The following GATAD2A variants were observed in gnomAD, a reference collection of about 807,000 sequenced individuals.
GATAD2A encodes transcriptional repressor p66-alpha.
A neutral mutation model predicts 68.5 loss-of-function variants in GATAD2A; 12 were observed. The observed-to-expected ratio is 0.18, with a 90% confidence interval of 0.11 to 0.28. The LOEUF is 0.28. GATAD2A is among the 10% of genes least tolerant of loss of function. The pLI is 1.00. For missense variants in GATAD2A, 755 were observed against 868.5 expected, an observed-to-expected ratio of 0.87 and a Z score of 1.64; for synonymous variants, 410 against 375.3, an observed-to-expected ratio of 1.09 and a Z score of -1.07.
chr19:19,440,420 G>A (rs1280099631), intron 1 of GATAD2A: 2 of 209,848 alleles, frequency 9.5e-6, no homozygotes, highest in Non-Finnish European at 9.7e-6. Context: ...ACAGGCGCCC[G>A]CCACCACGCC....
intron 1 of GATAD2A, among the ~76,000 whole-genome samples, chr19:19,452,585 G>T (rs144680510): frequency 8.0e-4 from 121 of 151,894 alleles, no homozygotes; most frequent in African/African-American, 2.7e-3. Flanking sequence ...CCCCAGGCCT[G>T]GGGGGGTGAA....
intron 1 of GATAD2A, among the ~76,000 whole-genome samples, chr19:19,407,671 A>T (rs887118623): frequency 6.6e-6 from 1 of 152,200 alleles, no homozygotes; most frequent in East Asian, 1.9e-4. Context: ...ATCTGGTGAC[A>T]TGGGGACACC....
chr19:19,495,857 T>A lies in GATAD2A; in HGVS notation c.728T>A (p.Val243Asp). Residue 243 changes from valine (V) to aspartate (D), a missense_variant, in exon 6 of 12, where the codon GTC becomes GAC. By Grantham distance (152) the Val-to-Asp change is radical. Transcript: ENST00000683918. The part of the protein sequence containing the change: ...KLGPQASSQV[V>D]MPPLVRGAQQ... ...GGGCCACAGGCGAGCTCACAGGTCG[T>A]CATGCCCCCACTCGTCAGGGGGGCT... 1 of 1,613,134 alleles carries A rather than the reference T, an allele frequency of 6.2e-7. No individual in the cohort carries two copies. The highest frequency in any genetic ancestry group is 8.5e-7 in the Non-Finnish European group (1 of 1,179,598).
chr19:19,451,398 G>T (rs16996102), intron 1 of GATAD2A, among the ~76,000 whole-genome samples: 5,337 of 152,160 alleles, frequency 0.035, 323 homozygotes, highest in African/African-American at 0.12. Flanking sequence ...GGTGTCCCAG[G>T]CACTGATCAG....
intron 2 of GATAD2A, among the ~76,000 whole-genome samples, 171 bp downstream of exon 2, chr19:19,465,785 C>T (rs574007024): frequency 6.6e-6 from 1 of 152,350 alleles, no homozygotes; most frequent in East Asian, 1.9e-4. Context: ...CTGTTGTGGC[C>T]ATTCCAGGGC....
rs2060904171 is a variant in GATAD2A, at chr19:19,507,252, A to C, written c.*1778A>C. The stretch of plus-strand genomic sequence containing the variant: ...GAGGGGAGGGTGTGTTTTTTACACC[A>C]AAAAAAAAAAAAAAAATCAAGAGTA... On this transcript the variant is annotated 3_prime_UTR_variant, in exon 12 of 12. Transcript: ENST00000683918. 2.2e-5 allele frequency: 1 copy of C among 46,160 alleles called. No homozygotes were observed. The highest frequency in any genetic ancestry group is 2.6e-4 in the Admixed American group (1 of 3,886). 2.9% of individuals were successfully genotyped at this position (46,160 alleles called of 1,614,324 possible). A position where few individuals can be genotyped will look rare whatever the true frequency, so the allele number is the denominator to read the frequency against.
chr19:19,427,371 C>T (rs1234862095), intron 1 of GATAD2A: 2 of 148,506 alleles, frequency 1.3e-5, no homozygotes, highest in Non-Finnish European at 3.0e-5. Flanking sequence ...ATTCTGTCCT[C>T]TCAGAATTAG....
At chr19:19,465,101 G>T in intron 1 of GATAD2A, 1 of 582,254 alleles carries the variant, frequency 1.7e-6, no homozygotes, top group Non-Finnish European at 3.1e-6. Context: ...GTGTAGTTTG[G>T]CTCCACCAAT....
chr19:19,420,023 T>C (rs1186457654), intron 1 of GATAD2A, among the ~76,000 whole-genome samples: 2 of 141,664 alleles, frequency 1.4e-5, no homozygotes, highest in Admixed American at 7.0e-5. Flanking sequence ...TTTTTTTTTT[T>C]TTTTTGAGAC....
intron 1 of GATAD2A, among the ~76,000 whole-genome samples, chr19:19,433,117 C>G (rs1253491963): frequency 1.3e-5 from 2 of 152,182 alleles, no homozygotes; most frequent in Non-Finnish European, 2.9e-5. Context: ...AAGAAGTTAC[C>G]TTAAGACTTC....
At chr19:19,395,813 C>T (rs909851357) in intron 1 of GATAD2A, among the ~76,000 whole-genome samples, 2 of 152,144 alleles carry the variant, frequency 1.3e-5, no homozygotes, top group African/African-American at 4.8e-5. Flanking sequence ...GCCATAGAAA[C>T]TTTAGAGCCA....
chr19:19,502,221 C>G (rs544713498), intron 10 of GATAD2A, 110 bp from the exon 11 acceptor site: 2 of 975,136 alleles, frequency 2.1e-6, no homozygotes, highest in East Asian at 2.5e-5. Context: ...CTTTAGGGAC[C>G]CCATGTGGGT....
At chr19:19,446,830 A>C (rs958368936) in intron 1 of GATAD2A, among the ~76,000 whole-genome samples, 9 of 152,164 alleles carry the variant, frequency 5.9e-5, no homozygotes. Context: ...AAGTGTTGGG[A>C]TTACAGGCGT....
chr19:19,390,059 C>T (rs1052966045), intron 1 of GATAD2A, among the ~76,000 whole-genome samples: 10 of 152,244 alleles, frequency 6.6e-5, no homozygotes, highest in African/African-American at 1.4e-4. Flanking sequence ...CCACTGTGAC[C>T]GACCTATTAT....
rs181490016 is a variant in GATAD2A, at chr19:19,440,063, C to G, written c.-6-25277C>G. ...TGGGCAACTTGTGGTGGTGGCTCTGCCTACAGGGTGGTGCCTGAGCCCCTG... is the reference window on the plus strand; with the variant it reads ...TGGGCAACTTGTGGTGGTGGCTCTGGCTACAGGGTGGTGCCTGAGCCCCTG... On this transcript the variant is annotated intron_variant, in intron 1 of 11. Transcript: ENST00000683918. 138 of 329,836 alleles carry G rather than the reference C, an allele frequency of 4.2e-4. No homozygotes were observed. In the Middle Eastern group the frequency reaches 9.4e-3, roughly 23 times the overall value. 20.4% of individuals were successfully genotyped at this position (329,836 alleles called of 1,614,324 possible). A position where few individuals can be genotyped will look rare whatever the true frequency, so the allele number is the denominator to read the frequency against.
chr19:19,440,038 TG>T (rs781165745), intron 1 of GATAD2A: 90 of 232,980 alleles, frequency 3.9e-4, no homozygotes, highest in Non-Finnish European at 6.1e-4. Flanking sequence ...GTGTTCAGAC[TG>T]GGCAACTTGT....
chr19:19,448,886 C>G (rs570355183), intron 1 of GATAD2A, among the ~76,000 whole-genome samples: 1 of 152,300 alleles, frequency 6.6e-6, no homozygotes, highest in South Asian at 2.1e-4. Context: ...TGAAGACAGG[C>G]TTTCATCTCG....
intron 1 of GATAD2A, among the ~76,000 whole-genome samples, chr19:19,390,457 A>T (rs987145360): frequency 1.3e-5 from 2 of 152,054 alleles, no homozygotes; most frequent in Non-Finnish European, 2.9e-5. Flanking sequence ...AGAGAAAGAA[A>T]CTTGGTATGT....
At position 19,495,756 on chromosome 19, in the gene GATAD2A, C is replaced by T. The variant is rs1164234983; in HGVS notation, c.627C>T (p.Thr209=). Residue 209 remains threonine, a splice_region_variant and synonymous_variant, in exon 6 of 12, where the codon ACC becomes ACT. Transcript: ENST00000683918. ...CTGGGTCTTGGTATCGTTGGCAGAC[C>T]TCTTCAGCTCGGATGCCCGGCAGTG... ...NIPAGKPSLQ[T]SSARMPGSVI... 1.9e-6 allele frequency: 3 copies of T among 1,606,754 alleles called. No homozygotes were observed. The highest frequency in any genetic ancestry group is 1.7e-5 in the Admixed American group (1 of 59,634).
Sources: gnomAD v4.1 joint callset for allele counts (sites outside exome capture counted in the v4.1 genomes callset) on GRCh38, gnomAD v4.1.1 for gene constraint, MANE v1.5 for transcripts, NCBI Gene and HGNC (gene_info 2026-07-23, HGNC 2026-07-21) for gene names.